The following MAD1L1 variants were observed in gnomAD, a reference collection of about 807,000 sequenced individuals.
MAD1L1 encodes mitotic spindle assembly checkpoint protein MAD1.
MAD1L1 carries 95 observed loss-of-function variants against 96.9 expected under a neutral mutation model. The observed-to-expected ratio is 0.98, with a 90% CI of 0.83 to 1.16. The LOEUF is 1.16. Among genes scored for constraint, MAD1L1 ranks in the 50% most tolerant of loss-of-function variants. The probability of loss-of-function intolerance (pLI) is 0.00; values close to 1 mark genes in which losing one functional copy is unlikely to be tolerated. For missense variants in MAD1L1, 1,007 were observed against 954.4 expected (o/e 1.06, Z -0.73); for synonymous variants, 473 against 396.6 (o/e 1.19, Z -2.29).
chr7:2,073,957 C>G (rs562123655), intron 11 of MAD1L1, among the ~76,000 whole-genome samples: 49 of 152,308 alleles, frequency 3.2e-4, no homozygotes, highest in Middle Eastern at 3.4e-3. Context: ...GGCCTGATGG[C>G]TGACACTGAA....
At chr7:1,920,245 T>TGCGTGCGTGTGCATGTGC (rs879860329) in intron 17 of MAD1L1, among the ~76,000 whole-genome samples, 2 of 152,206 alleles carry the variant, frequency 1.3e-5, no homozygotes, top group Admixed American at 6.5e-5. Context: ...TGTGCGTGCG[T>TGCGTGCGTGTGCATGTGC]GCGTGCGTGT....
At chr7:1,988,312 A>C (rs1188771426) in intron 14 of MAD1L1, among the ~76,000 whole-genome samples, 1 of 152,168 alleles carries the variant, frequency 6.6e-6, no homozygotes, top group Non-Finnish European at 1.5e-5. Context: ...GGCAGCGCAC[A>C]CAGCAGCCCG....
intron 10 of MAD1L1, among the ~76,000 whole-genome samples, chr7:2,186,948 C>G (rs1411087826): frequency 6.6e-6 from 1 of 152,058 alleles, no homozygotes; most frequent in African/African-American, 2.4e-5. Flanking sequence ...CATGCGCCAC[C>G]ACGCCCGGCG....
chr7:2,089,726 C>T (rs1487503902), intron 11 of MAD1L1, among the ~76,000 whole-genome samples: 2 of 150,916 alleles, frequency 1.3e-5, no homozygotes, highest in South Asian at 2.1e-4. Context: ...CACCTGTCCC[C>T]GGGGCCCACC....
In MAD1L1 at chr7:1,941,132, T is replaced by C. The variant is rs139673339; in HGVS notation, c.1597-4235A>G. Among the ~76,000 whole-genome samples the C allele has an allele frequency of 3.6e-3, 548 of 151,814 alleles. 1 individual carries two copies. The highest frequency in any genetic ancestry group is 0.012 in the African/African-American group (515 of 41,364). ...CCCCAGCATCCTCCTACTTAGCAGA[T>C]AGGGGGACTTGCAGGAGGGGTCGGG... On this transcript the variant is annotated intron_variant, in intron 16 of 18. Coordinates refer to ENST00000265854, the MANE Select transcript of MAD1L1 (RefSeq NM_001013836.2).
chr7:1,950,271 T>C (rs113633322), intron 16 of MAD1L1, among the ~76,000 whole-genome samples: 13 of 152,048 alleles, frequency 8.5e-5, no homozygotes, highest in African/African-American at 3.1e-4. Flanking sequence ...ATGGTCACCA[T>C]GTGATAGGGA....
chr7:1,840,793 G>A (rs1290462683), intron 18 of MAD1L1, among the ~76,000 whole-genome samples: 6 of 152,196 alleles, frequency 3.9e-5, no homozygotes, highest in East Asian at 1.9e-4. Flanking sequence ...AGGTTTTAGC[G>A]GCCTGGGCAT....
intron 18 of MAD1L1, among the ~76,000 whole-genome samples, chr7:1,816,804 G>A (rs1256997045): frequency 2.6e-5 from 4 of 151,966 alleles, no homozygotes; most frequent in African/African-American, 7.2e-5. Context: ...CACACAGCAG[G>A]TCTGAGCAAG....
chr7:2,121,446 C>T (rs1227648776), intron 11 of MAD1L1, among the ~76,000 whole-genome samples: 1 of 152,370 alleles, frequency 6.6e-6, no homozygotes, highest in East Asian at 1.9e-4. Flanking sequence ...TCACAGCCCC[C>T]ACGGGAGGGT....
intron 10 of MAD1L1, among the ~76,000 whole-genome samples, chr7:2,199,526 T>C (rs553538940): frequency 6.6e-6 from 1 of 152,386 alleles, no homozygotes; most frequent in East Asian, 1.9e-4. Context: ...TTGATGGTTT[T>C]CTTAATCATC....
chr7:1,900,700 T>C lies in MAD1L1; in HGVS notation c.1808-2310A>G, dbSNP rs188370989. On this transcript the variant is annotated intron_variant, in intron 17 of 18. Coordinates refer to ENST00000265854, the MANE Select transcript of MAD1L1 (RefSeq NM_001013836.2). ...TCAGAGGCCATATTTCACCCTAACA[T>C]GGCCCGTGCTGCCTTTGATAGATCT... Among the ~76,000 whole-genome samples, 42 of 152,276 alleles carry C rather than the reference T, an allele frequency of 2.8e-4. 1 individual carries two copies. In the East Asian group the frequency reaches 7.1e-3, roughly 26 times the overall value.
intron 12 of MAD1L1, among the ~76,000 whole-genome samples, chr7:2,030,809 G>A (rs932590353): frequency 5.1e-4 from 78 of 152,206 alleles, no homozygotes; most frequent in African/African-American, 1.5e-3. Flanking sequence ...TGTCAGACGC[G>A]TTTCTGTCCT....
intron 18 of MAD1L1, chr7:1,849,095 T>TGCACACACACATACACGTGCACAC (rs1783813916): frequency 6.5e-6 from 1 of 154,120 alleles, no homozygotes; most frequent in Non-Finnish European, 1.5e-5. Context: ...CACGGACACA[T>TGCACACACACATACACGTGCACAC]GCACACACAC....
intron 16 of MAD1L1, among the ~76,000 whole-genome samples, chr7:1,938,546 A>G (rs1474443032): frequency 1.3e-5 from 2 of 152,258 alleles, no homozygotes; most frequent in Non-Finnish European, 1.5e-5. Context: ...TCCAGAACAT[A>G]CGAAGAAGTC....
Position 2,124,942 on chromosome 7 carries a change from C to A in MAD1L1, c.1073+24210G>T, listed in dbSNP as rs899997440. Among the ~76,000 whole-genome samples, 4 of 152,310 alleles carry A rather than the reference C, an allele frequency of 2.6e-5. No individual in the cohort carries two copies. In the South Asian group the frequency reaches 8.3e-4, roughly 32 times the overall value. Reference sequence around the variant, plus strand: ...TGCAGGCGGCCTTCCAGCCCCAGGGCAGGAGACACCAGTGAGCACGGAGGA... The same window carrying A: ...TGCAGGCGGCCTTCCAGCCCCAGGGAAGGAGACACCAGTGAGCACGGAGGA... On this transcript the variant is annotated intron_variant, in intron 11 of 18. Coordinates refer to ENST00000265854, the MANE Select transcript of MAD1L1 (RefSeq NM_001013836.2).
chr7:2,154,136 C>T (rs756146932), intron 10 of MAD1L1, among the ~76,000 whole-genome samples: 21 of 152,114 alleles, frequency 1.4e-4, no homozygotes, highest in Non-Finnish European at 2.1e-4. Context: ...AGCCTGGCAA[C>T]AGAGCAAGAC....
chr7:2,014,936 C>T (rs1782469513), intron 12 of MAD1L1, among the ~76,000 whole-genome samples: 1 of 152,226 alleles, frequency 6.6e-6, no homozygotes, highest in Non-Finnish European at 1.5e-5. Flanking sequence ...GGCAGTATGG[C>T]TATGGGGTCG....
chr7:2,158,035 G>A (rs538783830), intron 10 of MAD1L1, among the ~76,000 whole-genome samples: 2 of 152,368 alleles, frequency 1.3e-5, no homozygotes, highest in Admixed American at 1.3e-4. Flanking sequence ...ACACGGCAGT[G>A]ACAGTTCCAA....
intron 17 of MAD1L1, among the ~76,000 whole-genome samples, chr7:1,934,868 C>T (rs1295293487): frequency 1.3e-5 from 2 of 150,478 alleles, no homozygotes; most frequent in African/African-American, 2.5e-5. Context: ...AACAGGTGAA[C>T]GAACAGACGG....
Sources: gnomAD v4.1 joint callset for allele counts (sites outside exome capture counted in the v4.1 genomes callset) on GRCh38, gnomAD v4.1.1 for gene constraint, MANE v1.5 for transcripts, NCBI Gene and HGNC (gene_info 2026-07-23, HGNC 2026-07-21) for gene names.